The following PTK7 variants were observed in gnomAD, a reference collection of about 807,000 sequenced individuals.
PTK7 encodes inactive tyrosine-protein kinase 7.
In PTK7, 39 loss-of-function variants were observed where a neutral mutation model predicts 116.6. The observed-to-expected ratio is 0.33, with a 90% confidence interval of 0.26 to 0.44. The LOEUF (loss-of-function observed/expected upper bound fraction) is 0.44. PTK7 is among the 20% of genes least tolerant of loss of function. The pLI is 1.00. For missense variants in PTK7, 1,169 were observed against 1,425.6 expected (o/e 0.82, Z 2.90); for synonymous variants, 546 against 563.6 (o/e 0.97, Z 0.44).
rs143733133 is a variant in PTK7, at chr6:43,086,757, G to C, written c.79+10190G>C. Among the ~76,000 whole-genome samples, 322 of 152,238 alleles carry C rather than the reference G, an allele frequency of 2.1e-3. 2 individuals are homozygous for C. The highest frequency in any genetic ancestry group is 7.4e-3 in the African/African-American group (306 of 41,540). ...AGGCTGAGGCAGGAGGATTGCTTGA[G>C]CCTGGGAGGTCAGAGCTGAAGTGGG... On this transcript the variant is annotated intron_variant, in intron 1 of 19. Coordinates refer to ENST00000230419, the MANE Select transcript of PTK7 (RefSeq NM_002821.5).
In PTK7 at chr6:43,129,322, TG is replaced by T. The variant is rs1561964673; in HGVS notation, c.367+63del. The T allele has an allele frequency of 1.3e-6, 2 of 1,585,938 alleles. No individual in the cohort carries two copies. The highest frequency in any genetic ancestry group is 1.7e-6 in the Non-Finnish European group (2 of 1,159,268). The stretch of plus-strand genomic sequence containing the variant: ...TGTCAGACCCTCAATGACTGAGGCC[TG>T]GGGGATCCCTCCCTTACCTCAGCTT... On this transcript the variant is annotated intron_variant, in intron 2 of 19. Transcript: ENST00000230419. The surrounding 1 kb of genome is among the most constrained non-coding windows in gnomAD (Gnocchi z 4.5).
intron 17 of PTK7, among the ~76,000 whole-genome samples, chr6:43,148,193 C>T (rs528600536): frequency 1.3e-4 from 20 of 150,312 alleles, no homozygotes; most frequent in Admixed American, 1.1e-3. Context: ...GTCGAGGCTG[C>T]GGTGAGCCAT....
intron 1 of PTK7, among the ~76,000 whole-genome samples, chr6:43,092,646 G>A (rs963753955): frequency 1.3e-5 from 2 of 152,086 alleles, no homozygotes; most frequent in African/African-American, 4.8e-5. Flanking sequence ...TGTCCTCTTG[G>A]TGCACATAAA....
rs1402656399 is a variant in PTK7 at position 43,118,647 on chromosome 6, CTCTCTCTCTCTCTATATATATATA to C, written c.80-10328_80-10305del. Reference sequence around the variant, plus strand: ...TCTCTCTCTCTCTCTCTCTCTCTCTCTCTCTCTCTCTCTATATATATATATATATATATATATATATGTATATAT... The same window carrying C: ...TCTCTCTCTCTCTCTCTCTCTCTCTCTATATATATATATATATGTATATAT... On this transcript the variant is annotated intron_variant, in intron 1 of 19. Transcript: ENST00000230419. Among the ~76,000 whole-genome samples the C allele has an allele frequency of 2.7e-4, 24 of 87,746 alleles. No homozygotes were observed. The South Asian group carries it at 5.1e-3, about 19-fold the overall frequency. 57.6% of individuals were successfully genotyped at this position (87,746 alleles called of 152,430 possible). A position where few individuals can be genotyped will look rare whatever the true frequency, so the allele number is the denominator to read the frequency against.
chr6:43,125,140 C>T (rs988398487), intron 1 of PTK7, among the ~76,000 whole-genome samples: 3 of 152,140 alleles, frequency 2.0e-5, no homozygotes, highest in Non-Finnish European at 4.4e-5. Context: ...CCATTGCATT[C>T]CAGCCTGGGC....
chr6:43,127,247 G>A (rs532305716), intron 1 of PTK7, among the ~76,000 whole-genome samples: 78 of 152,332 alleles, frequency 5.1e-4, no homozygotes, highest in Admixed American at 2.1e-3. Context: ...AGTTCCAGGT[G>A]GCCCATTTCT....
chr6:43,122,215 A>G (rs945984337), intron 1 of PTK7, among the ~76,000 whole-genome samples: 5 of 152,136 alleles, frequency 3.3e-5, no homozygotes, highest in Non-Finnish European at 7.4e-5. Flanking sequence ...TATCAGTCAG[A>G]TCTTTAAGGT....
chr6:43,077,061 C>T, intron 1 of PTK7: 3 of 1,295,572 alleles, frequency 2.3e-6, no homozygotes, highest in South Asian at 4.4e-5. Context: ...GTTACCTACG[C>T]CGACCCGACG....
chr6:43,082,669 T>C (rs1171905534), intron 1 of PTK7, among the ~76,000 whole-genome samples: 1 of 152,240 alleles, frequency 6.6e-6, no homozygotes, highest in Non-Finnish European at 1.5e-5. Context: ...CGAACACTCC[T>C]TGGGGTGATG....
chr6:43,137,283 G>A (rs1770097370), intron 7 of PTK7, among the ~76,000 whole-genome samples: 1 of 152,194 alleles, frequency 6.6e-6, no homozygotes, highest in South Asian at 2.1e-4. Flanking sequence ...TACTGAAGGA[G>A]CTTGAACAGA....
Position 43,076,937 on chromosome 6 carries a change from C to T in PTK7, c.79+370C>T. ...GACCATCCGCACCCACCGTGGGGAG[C>T]GCGATGGAGAAAAAGGAATTCCCCA... On this transcript the variant is annotated intron_variant, in intron 1 of 19. Transcript: ENST00000230419. This position sits in a 1 kb window ranked among gnomAD's most constrained non-coding sequence, Gnocchi z 5.7. 1 of 1,513,474 alleles carries T rather than the reference C, an allele frequency of 6.6e-7. No homozygotes were observed. Among genetic ancestry groups the T allele is most frequent in the Non-Finnish European group, 8.8e-7 (1 of 1,131,416 alleles). The allele number at this position is 1,513,474 out of a possible 1,614,324, so 93.8% of individuals were successfully genotyped here.
At chr6:43,078,702 CAG>C (rs1350082385) in intron 1 of PTK7, among the ~76,000 whole-genome samples, 2 of 152,176 alleles carry the variant, frequency 1.3e-5, no homozygotes, top group Non-Finnish European at 2.9e-5. Flanking sequence ...CCATAAATGG[CAG>C]AGTTACTTTC....
At chr6:43,131,612 T>G in intron 5 of PTK7, 1 of 244,026 alleles carries the variant, frequency 4.1e-6, no homozygotes, top group South Asian at 4.5e-5. Context: ...TGAGACTTGT[T>G]CACTATCATG....
At chr6:43,121,056 GTTT>G (rs564738874) in intron 1 of PTK7, among the ~76,000 whole-genome samples, 11,075 of 119,664 alleles carry the variant, frequency 0.093, 631 homozygotes, top group East Asian at 0.31. Context: ...CCATGTTTCT[GTTT>G]TTTTTTTTTT....
intron 17 of PTK7, among the ~76,000 whole-genome samples, chr6:43,150,212 G>A (rs1770986420): frequency 1.3e-5 from 2 of 152,140 alleles, no homozygotes; most frequent in Non-Finnish European, 2.9e-5. Flanking sequence ...GGAAACAGAA[G>A]GCCTCTTGTG....
rs1055610319 is a variant in PTK7, at chr6:43,112,201, G to A, written c.80-16776G>A. ...TTTCCAGAGGCATTTCATCCTTGTA[G>A]AGGCTCTGCAGGATAGAGAGCAGGT... On this transcript the variant is annotated intron_variant, in intron 1 of 19. Coordinates refer to ENST00000230419, the MANE Select transcript of PTK7 (RefSeq NM_002821.5). 5.3e-5 allele frequency among the ~76,000 whole-genome samples: 8 copies of A among 152,098 alleles called. No individual in the cohort carries two copies. In the East Asian group the frequency reaches 1.5e-3, roughly 29 times the overall value.
At chr6:43,142,831 T>C (rs2150451911) in intron 13 of PTK7, 1 of 184,062 alleles carries the variant, frequency 5.4e-6, no homozygotes, top group Admixed American at 5.4e-5. Flanking sequence ...CAAAGTATAA[T>C]GTGAAAGTTT....
rs756054450 is a variant in PTK7 at position 43,146,676 on chromosome 6, A to G, written c.2699A>G (p.Gln900Arg). ...AGCAAGGATGAAAAATTGAAGTCAC[A>G]GCCCCTCAGCACCAAGCAGAAGGTG... ...SKSKDEKLKS[Q>R]PLSTKQKVAL... The change falls in exon 17 of 20, where the codon CAG (glutamine) becomes CGG (arginine). Residue 900 changes from glutamine (Q) to arginine (R), a missense_variant. Gln to Arg is a conservative substitution (Grantham distance 43). Around this residue, in one of 3 missense-constraint regions of PTK7, gnomAD observed 678 missense variants for 853.8 expected, o/e 0.79. Transcript: ENST00000230419. The G allele has an allele frequency of 1.9e-6, 3 of 1,613,266 alleles. No individual in the cohort carries two copies. The highest frequency in any genetic ancestry group is 1.3e-5 in the African/African-American group (1 of 74,964).
chr6:43,080,221 A>G (rs940700833), intron 1 of PTK7, among the ~76,000 whole-genome samples: 6 of 151,930 alleles, frequency 3.9e-5, no homozygotes, highest in African/African-American at 1.4e-4. Context: ...GCGTGGTGGC[A>G]GGCGCCTGTA....
Sources: allele counts gnomAD v4.1 joint callset (sites outside exome capture counted in the v4.1 genomes callset), GRCh38; gene constraint gnomAD v4.1.1; regional missense constraint gnomAD v4.1.1; non-coding constraint Gnocchi (gnomAD v3.1); transcripts MANE v1.5; gene names NCBI Gene and HGNC (gene_info 2026-07-23, HGNC 2026-07-21).